CDH26: variants seen among roughly 807,000 people sequenced by gnomAD.
CDH26 encodes cadherin 26.
A neutral mutation model predicts 90.3 loss-of-function variants in CDH26; 83 were observed. That is an observed-to-expected ratio of 0.92 (90% CI 0.77 to 1.10). The LOEUF (loss-of-function observed/expected upper bound fraction) is 1.10, where lower values mean the gene tolerates loss of function less well. Ranked by LOEUF, CDH26 falls within the 50% of genes least tolerant of loss-of-function variation. The probability of loss-of-function intolerance (pLI) is 0.00; values close to 1 mark genes in which losing one functional copy is unlikely to be tolerated. For synonymous variants in CDH26, 397 were observed against 396.3 expected (o/e 1.00, Z -0.02); for missense variants, 1,013 against 1,037.6 (o/e 0.98, Z 0.33).
intron 7 of CDH26, among the ~76,000 whole-genome samples, chr20:60,019,855 T>G (rs992728898): frequency 6.6e-6 from 1 of 152,224 alleles, no homozygotes; most frequent in Non-Finnish European, 1.5e-5. Context: ...AGGTTTCATA[T>G]GGAAAAACTT....
At chr20:60,033,154 G>A (rs1448466622) in intron 8 of CDH26, among the ~76,000 whole-genome samples, 1 of 152,198 alleles carries the variant, frequency 6.6e-6, no homozygotes, top group Non-Finnish European at 1.5e-5. Context: ...CCTTGTGTGA[G>A]CTTGATTAAG....
rs189349705 is a variant in CDH26 at position 59,994,336 on chromosome 20, C to G, written c.1513C>G (p.Arg505Gly). Residue 505 changes from arginine to glycine, a missense_variant, in exon 11 of 18, where the codon CGC (arginine) becomes GGC (glycine). Transcript: ENST00000348616. ...CGTCCCGACTCTCCGGCCACGTTCC[C>G]GCTACATGGAGGTCTGTGAGTCTGC... ...DNVPTLRPRS[R>G]YMEVCESAVH... is the part of the protein sequence containing the mutation. The G allele has an allele frequency of 1.9e-6, 3 of 1,613,900 alleles. No homozygotes were observed.
chr20:60,029,780 C>G (rs1362460529), intron 7 of CDH26, among the ~76,000 whole-genome samples: 2 of 152,088 alleles, frequency 1.3e-5, no homozygotes, highest in Non-Finnish European at 2.9e-5. Flanking sequence ...ATGATGGCTT[C>G]CAGCTTCATC....
chr20:59,973,495 A>G (rs929650613), intron 4 of CDH26, among the ~76,000 whole-genome samples: 13 of 152,268 alleles, frequency 8.5e-5, no homozygotes, highest in Non-Finnish European at 2.9e-5. Context: ...TTCATCATCC[A>G]GGTATTAAGC....
intron 7 of CDH26, among the ~76,000 whole-genome samples, chr20:60,021,897 C>T (rs195021): frequency 0.071 from 5,454 of 77,114 alleles, 494 homozygotes; most frequent in African/African-American, 0.16. Flanking sequence ...CACACACACA[C>T]ATATATATAT....
chr20:59,989,335 T>C (rs901540993), intron 9 of CDH26, among the ~76,000 whole-genome samples, 172 bp downstream of exon 9: 4 of 151,388 alleles, frequency 2.6e-5, no homozygotes, highest in Non-Finnish European at 5.9e-5. Flanking sequence ...GAGACCATCC[T>C]GGCTAACAAG....
At chr20:59,970,840 A>AT (rs1462177538) in intron 3 of CDH26, among the ~76,000 whole-genome samples, 2 of 151,258 alleles carry the variant, frequency 1.3e-5, no homozygotes, top group Non-Finnish European at 2.9e-5. Flanking sequence ...AAATAAATAA[A>AT]TAAATAAATA....
rs1040049997 is a variant in CDH26, at chr20:59,989,587, AG to A, written c.1283+426del. On this transcript the variant is annotated intron_variant, in intron 9 of 17. Transcript: ENST00000348616. ...AACCAGCTCCTTGGACGTGTTCACG[AG>A]GTTGCCTCAGTCTCCGTGATGAAAA... Among the ~76,000 whole-genome samples, 4 of 151,828 alleles carry A rather than the reference AG, an allele frequency of 2.6e-5. No individual in the cohort carries two copies. In the East Asian group the frequency reaches 7.7e-4, roughly 29 times the overall value.
chr20:59,966,226 T>G (rs2061146738), intron 1 of CDH26, among the ~76,000 whole-genome samples: 1 of 132,228 alleles, frequency 7.6e-6, no homozygotes, highest in African/African-American at 3.3e-5. Flanking sequence ...AAAATGGTGT[T>G]GCATTAAAAA....
downstream of CDH26, among the ~76,000 whole-genome samples, chr20:60,016,137 T>A (rs1264383805): frequency 2.6e-5 from 4 of 152,218 alleles, no homozygotes; most frequent in East Asian, 7.7e-4. Flanking sequence ...TTTTAAGATT[T>A]TTTTTTCTAT....
At chr20:60,001,236 A>G (rs2146005720) in intron 14 of CDH26, 107 bp from the exon 15 acceptor site, 1 of 1,341,702 alleles carries the variant, frequency 7.5e-7, no homozygotes, top group East Asian at 2.4e-5. Context: ...GTGTTTGCCT[A>G]TGAATATATG....
intron 4 of CDH26, among the ~76,000 whole-genome samples, chr20:59,981,581 G>A (rs2061395567): frequency 6.6e-6 from 1 of 152,086 alleles, no homozygotes; most frequent in Admixed American, 6.5e-5. Context: ...ATTTTCGAAA[G>A]TTGAATCAGC....
At chr20:60,008,619 C>T (rs2061785630) in intron 17 of CDH26, among the ~76,000 whole-genome samples, 1 of 152,168 alleles carries the variant, frequency 6.6e-6, no homozygotes, top group Non-Finnish European at 1.5e-5. Flanking sequence ...GAGTGGATGA[C>T]AGACAGGGCT....
chr20:59,972,017 G>T lies in CDH26; in HGVS notation c.287G>T (p.Gly96Val). The T allele has an allele frequency of 6.2e-7, 1 of 1,613,778 alleles. No individual in the cohort carries two copies. The highest frequency in any genetic ancestry group is 8.5e-7 in the Non-Finnish European group (1 of 1,179,732). ...MSLMYLISGP[G>V]VDEYPEIGLF... is the part of the protein sequence containing the mutation. ...CTAATGTATCTAATCAGTGGACCTGGTGTGGATGAATATCCAGAGATTGGT... is the reference window on the plus strand; with the variant it reads ...CTAATGTATCTAATCAGTGGACCTGTTGTGGATGAATATCCAGAGATTGGT... Residue 96 changes from glycine (G) to valine (V), a missense_variant, in exon 4 of 18, where the codon GGT (glycine) becomes GTT (valine). Gly to Val is a moderately radical substitution (Grantham distance 109, BLOSUM62 -3). Transcript: ENST00000348616.
chr20:59,967,838 T>C (rs1418712984), intron 1 of CDH26, among the ~76,000 whole-genome samples: 1 of 89,796 alleles, frequency 1.1e-5, no homozygotes, highest in African/African-American at 7.1e-5. Context: ...TCTTTCTTTC[T>C]TTCTTTCTTT....
intron 1 of CDH26, among the ~76,000 whole-genome samples, chr20:59,966,755 T>C (rs889580189): frequency 1.2e-4 from 18 of 152,234 alleles, no homozygotes; most frequent in Non-Finnish European, 2.2e-4. Flanking sequence ...AACCATACTT[T>C]GAAAATTGCT....
At chr20:60,032,260 T>C (rs1016109810) in intron 8 of CDH26, among the ~76,000 whole-genome samples, 1 of 152,128 alleles carries the variant, frequency 6.6e-6, no homozygotes, top group Non-Finnish European at 1.5e-5. Flanking sequence ...AGTGCACAAT[T>C]TGGGCCTGTA....
chr20:59,977,713 A>G (rs1440353761), intron 4 of CDH26, among the ~76,000 whole-genome samples: 1 of 142,560 alleles, frequency 7.0e-6, no homozygotes, highest in Non-Finnish European at 1.5e-5. Flanking sequence ...ATTTTGCAGT[A>G]GTGTGTGCAT....
chr20:60,020,141 A>G (rs1167910851), intron 7 of CDH26, among the ~76,000 whole-genome samples: 6 of 152,064 alleles, frequency 3.9e-5, no homozygotes, highest in African/African-American at 1.2e-4. Flanking sequence ...GGACCGTGGG[A>G]TTATTACTCT....
Sources: gnomAD v4.1 joint callset for allele counts (sites outside exome capture counted in the v4.1 genomes callset) on GRCh38, gnomAD v4.1.1 for gene constraint, MANE v1.5 for transcripts, NCBI Gene and HGNC (gene_info 2026-07-23, HGNC 2026-07-21) for gene names.